Variants in TBC1D1 observed in about 807,000 individuals in gnomAD.
TBC1D1 encodes TBC1 (tre-2/USP6, BUB2, cdc16) domain family, member 1.
Under a neutral mutation model 125.6 loss-of-function variants are expected in TBC1D1, and 89 were observed. The observed-to-expected ratio is 0.71, with a 90% CI of 0.60 to 0.85. The LOEUF is 0.85. Ranked by LOEUF, TBC1D1 falls within the 40% of genes least tolerant of loss-of-function variation. The probability of loss-of-function intolerance (pLI) is 0.00; values close to 1 mark genes in which losing one functional copy is unlikely to be tolerated. For missense variants in TBC1D1, 1,377 were observed against 1,469.2 expected (o/e 0.94, Z 1.03); for synonymous variants, 565 against 564.1 (o/e 1.00, Z -0.02).
chr4:37,963,651 C>T (rs4832973), intron 2 of TBC1D1, among the ~76,000 whole-genome samples: 11,575 of 152,130 alleles, frequency 0.076, 602 homozygotes, highest in Non-Finnish European at 0.1. Flanking sequence ...AGTGAGATTC[C>T]GTGTCAAAAA....
chr4:38,020,690 G>T lies in TBC1D1; in HGVS notation c.1072G>T (p.Ala358Ser). The change falls in exon 5 of 20, where the codon GCT (alanine) becomes TCT (serine). Residue 358 changes from alanine (A) to serine (S), a missense_variant. By Grantham distance (99) the Ala-to-Ser change is moderately conservative. Coordinates refer to ENST00000261439, the MANE Select transcript of TBC1D1 (RefSeq NM_015173.4). Reference sequence around the variant, plus strand: ...TTACGTGTTTCAGTGCACAAATGAGGCTCTGGTGAGAGAGGACAAGCAATT... The same window carrying T: ...TTACGTGTTTCAGTGCACAAATGAGTCTCTGGTGAGAGAGGACAAGCAATT... 4 of 1,611,500 alleles carry T rather than the reference G, an allele frequency of 2.5e-6. No individual in the cohort carries two copies. Among genetic ancestry groups the T allele is most frequent in the East Asian group, 2.2e-5 (1 of 44,688 alleles).
Position 38,018,359 on chromosome 4 carries a change from C to T in TBC1D1, c.888C>T (p.Gly296=), listed in dbSNP as rs1244816316. 1.9e-6 allele frequency: 3 copies of T among 1,606,136 alleles called. No homozygotes were observed. Among genetic ancestry groups the T allele is most frequent in the African/African-American group, 2.7e-5 (2 of 74,440 alleles). Residue 296 remains glycine (G), a synonymous_variant, in exon 4 of 20, where the codon GGC becomes GGT. Transcript: ENST00000261439. The stretch of plus-strand genomic sequence containing the variant: ...TTTTTTGTTTGTCTTTTAAGATTGG[C>T]CAGTCTGAAGTTTACCTCATCAGTC...
At chr4:37,972,036 ACTCT>A (rs1263745794) in intron 2 of TBC1D1, among the ~76,000 whole-genome samples, 1 of 151,520 alleles carries the variant, frequency 6.6e-6, no homozygotes, top group Admixed American at 6.6e-5. Flanking sequence ...GAGACCCTCT[ACTCT>A]CTCTCTCACT....
chr4:38,010,872 C>T (rs1339564185), intron 2 of TBC1D1, among the ~76,000 whole-genome samples: 1 of 152,208 alleles, frequency 6.6e-6, no homozygotes, highest in Non-Finnish European at 1.5e-5. Flanking sequence ...GACTCATTTA[C>T]ATTCATCTTA....
intron 18 of TBC1D1, among the ~76,000 whole-genome samples, chr4:38,125,997 T>C (rs928678489): frequency 2.0e-5 from 3 of 152,364 alleles, no homozygotes; most frequent in Middle Eastern, 3.4e-3. Flanking sequence ...CACTTAATAA[T>C]AGCAATACGT....
intron 15 of TBC1D1, chr4:38,110,864 C>T (rs1025802297): frequency 2.5e-5 from 24 of 967,680 alleles, no homozygotes; most frequent in Non-Finnish European, 2.1e-5. Context: ...GGTGTCTTCC[C>T]GAGCTAGCAT....
chr4:37,931,670 G>T (rs1723289566), intron 2 of TBC1D1, among the ~76,000 whole-genome samples: 1 of 151,904 alleles, frequency 6.6e-6, no homozygotes, highest in South Asian at 2.1e-4. Flanking sequence ...TAGAGACGGG[G>T]TTTCACCATC....
chr4:38,023,259 AG>A (rs67082194), intron 6 of TBC1D1, among the ~76,000 whole-genome samples: 35,818 of 146,502 alleles, frequency 0.24, 4,289 homozygotes, highest in African/African-American at 0.29. Flanking sequence ...AAAAAAAAAA[AG>A]GAATATTTAT....
chr4:38,017,031 A>G (rs1466270014), intron 3 of TBC1D1, among the ~76,000 whole-genome samples: 1 of 148,950 alleles, frequency 6.7e-6, no homozygotes, highest in Non-Finnish European at 1.5e-5. Flanking sequence ...AGTCAAATTA[A>G]TGGGATGTAC....
intron 2 of TBC1D1, among the ~76,000 whole-genome samples, chr4:37,923,184 C>T (rs1301567025): frequency 1.3e-5 from 2 of 152,110 alleles, no homozygotes; most frequent in Non-Finnish European, 2.9e-5. Flanking sequence ...TCAACTCCCA[C>T]TTATGAGTGA....
intron 2 of TBC1D1, among the ~76,000 whole-genome samples, chr4:37,967,620 G>A (rs1731309559): frequency 6.6e-6 from 1 of 152,046 alleles, no homozygotes; most frequent in African/African-American, 2.4e-5. Flanking sequence ...AGTGGAAAGA[G>A]GAAGTTTGGG....
At chr4:37,961,723 G>A (rs1259193897) in intron 2 of TBC1D1, among the ~76,000 whole-genome samples, 3 of 152,190 alleles carry the variant, frequency 2.0e-5, no homozygotes, top group Non-Finnish European at 2.9e-5. Context: ...TCTACTGAAA[G>A]TGAGTGGTGG....
chr4:38,126,978 T>C (rs1764757028), intron 18 of TBC1D1, among the ~76,000 whole-genome samples: 1 of 152,182 alleles, frequency 6.6e-6, no homozygotes, highest in Non-Finnish European at 1.5e-5. Context: ...TCTGGCATTT[T>C]CATTCATTCT....
intron 2 of TBC1D1, among the ~76,000 whole-genome samples, chr4:38,005,347 G>A (rs986878217): frequency 2.0e-5 from 3 of 152,326 alleles, no homozygotes; most frequent in East Asian, 1.9e-4. Context: ...GAGTGAGATC[G>A]TAAGGTGCTG....
At chr4:38,126,183 T>G (rs749303188) in intron 18 of TBC1D1, among the ~76,000 whole-genome samples, 87 of 152,324 alleles carry the variant, frequency 5.7e-4, no homozygotes, top group Non-Finnish European at 1.1e-3. Flanking sequence ...GGTGGAGTAT[T>G]TGTGTATCTA....
intron 2 of TBC1D1, among the ~76,000 whole-genome samples, chr4:37,914,222 A>C (rs150319792): frequency 8.5e-5 from 13 of 152,278 alleles, no homozygotes; most frequent in Non-Finnish European, 1.9e-4. Flanking sequence ...AGACTCTTCG[A>C]AGAGCTCCAC....
chr4:38,097,432 C>T (rs111482116), intron 14 of TBC1D1, among the ~76,000 whole-genome samples: 6 of 151,688 alleles, frequency 4.0e-5, no homozygotes, highest in Non-Finnish European at 5.9e-5. Context: ...CTCTGCCTCC[C>T]GGGTTCACAC....
chr4:38,101,974 T>C (rs888712221), intron 14 of TBC1D1, among the ~76,000 whole-genome samples: 1 of 151,656 alleles, frequency 6.6e-6, no homozygotes, highest in Non-Finnish European at 1.5e-5. Flanking sequence ...CAGTTAGAAA[T>C]GAGCAAACTG....
intron 2 of TBC1D1, among the ~76,000 whole-genome samples, chr4:37,972,967 T>C (rs1040398147): frequency 6.6e-6 from 1 of 151,970 alleles, no homozygotes; most frequent in African/African-American, 2.4e-5. Context: ...TGATGTTAAG[T>C]TTCCTTTTGA....
Sources: allele counts gnomAD v4.1 joint callset (sites outside exome capture counted in the v4.1 genomes callset), GRCh38; gene constraint gnomAD v4.1.1; transcripts MANE v1.5; gene names NCBI Gene and HGNC (gene_info 2026-07-23, HGNC 2026-07-21).